ZBTB7C: variants seen among roughly 807,000 people sequenced by gnomAD.
ZBTB7C encodes zinc finger and BTB domain-containing protein 7C.
A neutral mutation model predicts 25.7 loss-of-function variants in ZBTB7C; 8 were observed. That is an observed-to-expected ratio of 0.31 (90% CI 0.18 to 0.56). ZBTB7C has a LOEUF of 0.56. Among genes scored for constraint, ZBTB7C ranks in the 20% least tolerant of loss-of-function variants. The pLI is 0.91. For missense variants in ZBTB7C, 824 were observed against 855.2 expected (o/e 0.96, Z 0.46); for synonymous variants, 394 against 369.0 (o/e 1.07, Z -0.78).
At position 48,317,257 on chromosome 18, in the gene ZBTB7C, CAAAAAAAAAAAAA is replaced by C. The variant is rs71165318; in HGVS notation, c.-79+20904_-79+20916del. Among the ~76,000 whole-genome samples the C allele has an allele frequency of 2.7e-4, 19 of 69,464 alleles. No individual in the cohort carries two copies. In the South Asian group the frequency reaches 8.8e-3, roughly 32 times the overall value. 45.6% of individuals were successfully genotyped at this position (69,464 alleles called of 152,430 possible). A position where few individuals can be genotyped will look rare whatever the true frequency, so the allele number is the denominator to read the frequency against. ...GGGCGACAAGAGTGAAACTCCGTCTCAAAAAAAAAAAAAAAAAAAAAAAAGACACTCAAAAAAT... is the reference window on the plus strand; with the variant it reads ...GGGCGACAAGAGTGAAACTCCGTCTCAAAAAAAAAAAGACACTCAAAAAAT... On this transcript the variant is annotated intron_variant, in intron 2 of 4. Transcript: ENST00000590800.
At chr18:48,266,338 C>T (rs2044313937) in intron 2 of ZBTB7C, among the ~76,000 whole-genome samples, 1 of 152,012 alleles carries the variant, frequency 6.6e-6, no homozygotes. Context: ...GGTTTCTGGT[C>T]CCTATTAGGC....
At chr18:48,261,470 G>T (rs1465743944) in intron 2 of ZBTB7C, among the ~76,000 whole-genome samples, 1 of 152,190 alleles carries the variant, frequency 6.6e-6, no homozygotes, top group East Asian at 1.9e-4. Flanking sequence ...GCAAAATAAT[G>T]GCTTGGCGCT....
At position 48,029,216 on chromosome 18, in the gene ZBTB7C, A is replaced by G; in HGVS notation, c.*44T>C. The G allele has an allele frequency of 1.3e-6, 2 of 1,506,626 alleles. No individual in the cohort carries two copies. Among genetic ancestry groups the G allele is most frequent in the Non-Finnish European group, 1.8e-6 (2 of 1,139,072 alleles). 93.3% of individuals were successfully genotyped at this position (1,506,626 alleles called of 1,614,324 possible). On this transcript the variant is annotated 3_prime_UTR_variant, in exon 5 of 5. Transcript: ENST00000590800. Reference sequence around the variant, plus strand: ...GGTAGGGTAGAGTGGGCCTGGAGGGAGAAGGACTGGAGGGCTGGTGGGCTG... The same window carrying G: ...GGTAGGGTAGAGTGGGCCTGGAGGGGGAAGGACTGGAGGGCTGGTGGGCTG...
At chr18:48,213,011 C>T (rs1441371035) in intron 2 of ZBTB7C, among the ~76,000 whole-genome samples, 1 of 152,308 alleles carries the variant, frequency 6.6e-6, no homozygotes, top group Admixed American at 6.5e-5. Context: ...AAGGCCTTTC[C>T]TCCAGCCGGA....
intron 2 of ZBTB7C, among the ~76,000 whole-genome samples, chr18:48,303,070 T>C (rs914397823): frequency 6.6e-6 from 1 of 152,130 alleles, no homozygotes; most frequent in African/African-American, 2.4e-5. Flanking sequence ...TTACTGGGAG[T>C]GCTTAATGTG....
chr18:48,249,055 T>C (rs112456880), intron 2 of ZBTB7C, among the ~76,000 whole-genome samples: 50 of 152,258 alleles, frequency 3.3e-4, no homozygotes, highest in African/African-American at 1.1e-3. Flanking sequence ...AACAAAGGAA[T>C]GTAAATTAAA....
intron 3 of ZBTB7C, among the ~76,000 whole-genome samples, chr18:48,107,589 A>G (rs2039079321): frequency 6.6e-6 from 1 of 152,040 alleles, no homozygotes. Flanking sequence ...GAAAGTGGAG[A>G]TAAGAAGGCT....
intron 1 of ZBTB7C, among the ~76,000 whole-genome samples, chr18:48,338,632 C>T (rs1398371687): frequency 6.6e-6 from 1 of 152,168 alleles, no homozygotes; most frequent in Non-Finnish European, 1.5e-5. Flanking sequence ...CATGCACACA[C>T]ACGCCCTTCA....
intron 3 of ZBTB7C, among the ~76,000 whole-genome samples, chr18:48,099,086 C>T (rs907564300): frequency 2.0e-5 from 3 of 152,112 alleles, no homozygotes; most frequent in African/African-American, 7.2e-5. Context: ...ATTTGCATCC[C>T]CCAAATTCTA....
intron 3 of ZBTB7C, among the ~76,000 whole-genome samples, chr18:48,160,289 G>A (rs908968412): frequency 2.0e-5 from 3 of 152,210 alleles, no homozygotes; most frequent in African/African-American, 7.2e-5. Flanking sequence ...CTCTTGTTGA[G>A]GGCTTGTTCA....
chr18:48,268,232 A>C (rs1051410732), intron 2 of ZBTB7C, among the ~76,000 whole-genome samples: 6 of 152,198 alleles, frequency 3.9e-5, no homozygotes, highest in Non-Finnish European at 8.8e-5. Context: ...CATGTCATTC[A>C]TTTATTAATT....
intron 1 of ZBTB7C, among the ~76,000 whole-genome samples, chr18:48,352,141 G>T (rs1033807483): frequency 1.4e-4 from 21 of 152,160 alleles, no homozygotes; most frequent in Non-Finnish European, 2.8e-4. Flanking sequence ...CCCCATCCTC[G>T]CACCTTTGAC....
chr18:48,326,225 A>G (rs2046216432), intron 2 of ZBTB7C, among the ~76,000 whole-genome samples: 1 of 151,488 alleles, frequency 6.6e-6, no homozygotes, highest in Non-Finnish European at 1.5e-5. Flanking sequence ...CCTCTCGAGT[A>G]GCTGGGATTA....
intron 3 of ZBTB7C, among the ~76,000 whole-genome samples, chr18:48,068,617 G>A (rs1395849129): frequency 6.6e-6 from 1 of 152,166 alleles, no homozygotes; most frequent in East Asian, 1.9e-4. Flanking sequence ...GCCTCCCCAT[G>A]TGCAACCCAG....
chr18:48,268,011 T>A (rs148027266), intron 2 of ZBTB7C, among the ~76,000 whole-genome samples: 9 of 152,194 alleles, frequency 5.9e-5, no homozygotes, highest in Non-Finnish European at 1.3e-4. Context: ...GTCTCACAGA[T>A]GTGAATTGCA....
intron 3 of ZBTB7C, among the ~76,000 whole-genome samples, chr18:48,065,115 G>C (rs1488645842): frequency 1.3e-5 from 2 of 152,116 alleles, no homozygotes; most frequent in African/African-American, 4.8e-5. Context: ...CACTCCCAGT[G>C]CCCCCCGCCC....
intron 3 of ZBTB7C, among the ~76,000 whole-genome samples, chr18:48,141,894 G>A (rs1422093128): frequency 6.6e-6 from 1 of 152,214 alleles, no homozygotes; most frequent in Non-Finnish European, 1.5e-5. Flanking sequence ...ATTAGCACCT[G>A]TGGATTGTAA....
intron 3 of ZBTB7C, among the ~76,000 whole-genome samples, chr18:48,083,202 C>T (rs944232542): frequency 3.9e-5 from 6 of 152,066 alleles, no homozygotes; most frequent in African/African-American, 9.7e-5. Flanking sequence ...AAAAAGCTAG[C>T]GCTATGACCT....
intron 2 of ZBTB7C, among the ~76,000 whole-genome samples, chr18:48,284,914 G>T (rs2044995627): frequency 6.6e-6 from 1 of 152,084 alleles, no homozygotes; most frequent in Admixed American, 6.6e-5. Flanking sequence ...GCATGGATAA[G>T]ACTGCCTTTA....
Sources: gnomAD v4.1 joint callset for allele counts (sites outside exome capture counted in the v4.1 genomes callset) on GRCh38, gnomAD v4.1.1 for gene constraint, MANE v1.5 for transcripts, NCBI Gene and HGNC (gene_info 2026-07-23, HGNC 2026-07-21) for gene names.